NEK6: variants seen among roughly 807,000 people sequenced by gnomAD.
The protein encoded by NEK6 is NIMA related kinase 6.
NEK6 carries 27 observed loss-of-function variants against 43.5 expected under a neutral mutation model. The observed-to-expected ratio is 0.62, with a 90% CI of 0.46 to 0.86. The LOEUF (loss-of-function observed/expected upper bound fraction) is 0.86. Among genes scored for constraint, NEK6 ranks in the 40% least tolerant of loss-of-function variants. The probability of loss-of-function intolerance (pLI) is 0.00; values close to 1 mark genes in which losing one functional copy is unlikely to be tolerated. For synonymous variants in NEK6, 167 were observed against 164.1 expected (o/e 1.02, Z -0.14); for missense variants, 318 against 414.4 (o/e 0.77, Z 2.02).
intron 2 of NEK6, among the ~76,000 whole-genome samples, chr9:124,305,444 C>T (rs992502382): frequency 3.3e-5 from 5 of 151,676 alleles, no homozygotes; most frequent in African/African-American, 1.2e-4. Context: ...ATCTCAGCTA[C>T]TTGGGAGGCC....
rs896376399 is a variant in NEK6, at chr9:124,263,145, A to G, written c.-30+5060A>G. 51 of 152,388 alleles carry G rather than the reference A, an allele frequency of 3.3e-4. 1 individual carries two copies. The highest frequency in any genetic ancestry group is 1.1e-3 in the African/African-American group (46 of 41,584). 9.4% of individuals were successfully genotyped at this position (152,388 alleles called of 1,614,324 possible). ...GACACCTGCAAAAGGATGGATGCACATGACCTTCAGCTCTAATGAATCAAG... is the reference window on the plus strand; with the variant it reads ...GACACCTGCAAAAGGATGGATGCACGTGACCTTCAGCTCTAATGAATCAAG... On this transcript the variant is annotated intron_variant, in intron 1 of 9. Coordinates refer to ENST00000320246, the MANE Select transcript of NEK6 (RefSeq NM_014397.6).
chr9:124,264,192 G>A (rs925870491), intron 1 of NEK6, among the ~76,000 whole-genome samples: 2 of 152,326 alleles, frequency 1.3e-5, no homozygotes, highest in African/African-American at 4.8e-5. Flanking sequence ...TTCCTGAGCC[G>A]GTGGAGAGAT....
At chr9:124,327,789 C>A (rs116612180) in intron 7 of NEK6, among the ~76,000 whole-genome samples, 1 of 152,166 alleles carries the variant, frequency 6.6e-6, no homozygotes, top group Non-Finnish European at 1.5e-5. Context: ...TTGGTCCATC[C>A]CTCCTAGGGG....
At chr9:124,349,621 T>G (rs1414436892) in intron 9 of NEK6, among the ~76,000 whole-genome samples, 1 of 151,988 alleles carries the variant, frequency 6.6e-6, no homozygotes, top group Non-Finnish European at 1.5e-5. Context: ...TTCTCTTGAA[T>G]TCTGAAAACT....
chr9:124,299,616 G>A lies in NEK6; in HGVS notation c.-29-2320G>A, dbSNP rs112631181. 5.8e-3 allele frequency among the ~76,000 whole-genome samples: 885 copies of A among 152,250 alleles called. 5 individuals are homozygous for A. Among genetic ancestry groups the A allele is most frequent in the Middle Eastern group, 0.014 (4 of 294 alleles). ...TGCATTTGAGGGCTTGGCAGGGAGA[G>A]CACTGAGCGCTGGGAGACCCAGGTG... is the stretch of plus-strand genomic sequence containing the variant. On this transcript the variant is annotated intron_variant, in intron 1 of 9. Coordinates refer to ENST00000320246, the MANE Select transcript of NEK6 (RefSeq NM_014397.6).
chr9:124,308,674 A>C (rs1193130359), intron 2 of NEK6, among the ~76,000 whole-genome samples: 3 of 151,978 alleles, frequency 2.0e-5, no homozygotes, highest in African/African-American at 7.2e-5. Context: ...AAAAAAAAAA[A>C]ACCAGTTTTC....
chr9:124,257,986 G>A lies in NEK6; in HGVS notation c.-129G>A, dbSNP rs1830873200. 2 of 979,068 alleles carry A rather than the reference G, an allele frequency of 2.0e-6. No individual in the cohort carries two copies. The highest frequency in any genetic ancestry group is 2.4e-6 in the Non-Finnish European group (2 of 827,534). 60.6% of individuals were successfully genotyped at this position (979,068 alleles called of 1,614,324 possible). On this transcript the variant is annotated 5_prime_UTR_variant, in exon 1 of 10. Coordinates refer to ENST00000320246, the MANE Select transcript of NEK6 (RefSeq NM_014397.6). ...GCGGCGGAACCGAGCTGACGGGCGTGCGGCCGCTGCGCCGCAAACTCGTGT... is the reference window on the plus strand; with the variant it reads ...GCGGCGGAACCGAGCTGACGGGCGTACGGCCGCTGCGCCGCAAACTCGTGT...
chr9:124,339,725 T>G (rs1829495330), intron 8 of NEK6, 60 bp downstream of exon 8: 1 of 1,245,310 alleles, frequency 8.0e-7, no homozygotes, highest in Admixed American at 1.7e-5. Flanking sequence ...GGTGCCCAGT[T>G]AGGACAGGGC....
At chr9:124,311,305 C>A (rs1833514422) in intron 2 of NEK6, among the ~76,000 whole-genome samples, 2 of 152,234 alleles carry the variant, frequency 1.3e-5, no homozygotes, top group African/African-American at 4.8e-5. Context: ...TCTGGCTTCA[C>A]TAGGGGCGGT....
chr9:124,265,880 C>G (rs1831210627), intron 1 of NEK6: 1 of 152,258 alleles, frequency 6.6e-6, no homozygotes, highest in African/African-American at 2.4e-5. Flanking sequence ...AGGCATTGTG[C>G]TGGGAGCCCA....
At chr9:124,314,350 G>A (rs2130872826) in intron 4 of NEK6, among the ~76,000 whole-genome samples, 1 of 152,174 alleles carries the variant, frequency 6.6e-6, no homozygotes, top group Admixed American at 6.5e-5. Context: ...TTCATTGTGG[G>A]GACCACATCC....
At chr9:124,332,473 G>A (rs1829052393) in intron 7 of NEK6, among the ~76,000 whole-genome samples, 1 of 152,174 alleles carries the variant, frequency 6.6e-6, no homozygotes, top group African/African-American at 2.4e-5. Flanking sequence ...CCAGCTCCAT[G>A]TCACTGCTGT....
intron 4 of NEK6, among the ~76,000 whole-genome samples, chr9:124,319,016 A>C (rs1004873644): frequency 7.0e-6 from 1 of 141,852 alleles, no homozygotes; most frequent in Non-Finnish European, 1.5e-5. Context: ...TTAGAATCTC[A>C]CTCTGTCACC....
intron 9 of NEK6, among the ~76,000 whole-genome samples, chr9:124,349,633 C>G (rs1830144289): frequency 6.6e-6 from 1 of 152,248 alleles, no homozygotes; most frequent in Admixed American, 6.5e-5. Flanking sequence ...CTGAAAACTT[C>G]AAACATGCAC....
At position 124,333,723 on chromosome 9, in the gene NEK6, T is replaced by C. The variant is rs181207408; in HGVS notation, c.623-5848T>C. On this transcript the variant is annotated intron_variant, in intron 7 of 9. Coordinates refer to ENST00000320246, the MANE Select transcript of NEK6 (RefSeq NM_014397.6). ...TGGAGTTGGACTGGAGATCCAGATT[T>C]CTAACCAGCCTCTCCAGGCAATTCA... Among the ~76,000 whole-genome samples, 45 of 151,818 alleles carry C rather than the reference T, an allele frequency of 3.0e-4. 2 individuals are homozygous for C. In the East Asian group the frequency reaches 8.5e-3, roughly 29 times the overall value.
chr9:124,278,105 A>G (rs2118964516), intron 1 of NEK6, among the ~76,000 whole-genome samples: 1 of 152,340 alleles, frequency 6.6e-6, no homozygotes, highest in East Asian at 1.9e-4. Flanking sequence ...ACGTGTAAAC[A>G]CACAAATACT....
In NEK6 at chr9:124,353,307, G is replaced by A; in HGVS notation, c.*2360G>A. 1 of 414,134 alleles carries A rather than the reference G, an allele frequency of 2.4e-6. No homozygotes were observed. The highest frequency in any genetic ancestry group is 4.5e-5 in the East Asian group (1 of 22,000). 25.7% of individuals were successfully genotyped at this position (414,134 alleles called of 1,614,324 possible). On this transcript the variant is annotated 3_prime_UTR_variant, in exon 10 of 10. Transcript: ENST00000320246. ...AGGGAGTCCACTCTGACTTCTGACA[G>A]CAGACAGAACCTATCTGTCCTCAGG...
chr9:124,304,587 A>G (rs1190438325), intron 2 of NEK6, among the ~76,000 whole-genome samples: 1 of 152,252 alleles, frequency 6.6e-6, no homozygotes, highest in African/African-American at 2.4e-5. Flanking sequence ...AGGAAATGGT[A>G]TGTCATGGAT....
At chr9:124,278,488 C>T (rs1588449216) in intron 1 of NEK6, among the ~76,000 whole-genome samples, 1 of 152,070 alleles carries the variant, frequency 6.6e-6, no homozygotes, top group Non-Finnish European at 1.5e-5. Flanking sequence ...GAAGATGAGC[C>T]CAGGCTAGCC....
Sources: gnomAD v4.1 joint callset for allele counts (sites outside exome capture counted in the v4.1 genomes callset) on GRCh38, gnomAD v4.1.1 for gene constraint, MANE v1.5 for transcripts, NCBI Gene and HGNC (gene_info 2026-07-23, HGNC 2026-07-21) for gene names.